FER: variants seen among roughly 807,000 people sequenced by gnomAD.
FER encodes FER tyrosine kinase, also known as tyrosine-protein kinase Fer.
Under a neutral mutation model 111.0 loss-of-function variants are expected in FER, and 63 were observed. That is an observed-to-expected ratio of 0.57 (90% CI 0.46 to 0.70). The LOEUF (loss-of-function observed/expected upper bound fraction) is 0.70, where lower values mean the gene tolerates loss of function less well. Ranked by LOEUF, FER falls within the 30% of genes least tolerant of loss-of-function variation. The probability of loss-of-function intolerance (pLI) is 0.00; values close to 1 mark genes in which losing one functional copy is unlikely to be tolerated. For missense variants in FER, 914 were observed against 954.0 expected (o/e 0.96, Z 0.55); for synonymous variants, 327 against 313.9 (o/e 1.04, Z -0.44).
chr5:108,756,343 A>G (rs925018044), intron 1 of FER, among the ~76,000 whole-genome samples: 6 of 151,920 alleles, frequency 3.9e-5, no homozygotes, highest in African/African-American at 1.4e-4. Context: ...CAAAGGAAAC[A>G]TTTTCAGGTA....
chr5:109,015,735 A>G lies in FER; in HGVS notation c.1657-21687A>G, dbSNP rs559784141. Reference sequence around the variant, plus strand: ...AATCATGAGCAACCCTATATTTTAAAGCAGAAATATGATTTTCTTAGTGTA... The same window carrying G: ...AATCATGAGCAACCCTATATTTTAAGGCAGAAATATGATTTTCTTAGTGTA... On this transcript the variant is annotated intron_variant, in intron 13 of 19. Transcript: ENST00000281092. 7.2e-5 allele frequency among the ~76,000 whole-genome samples: 11 copies of G among 152,198 alleles called. No homozygotes were observed. In the East Asian group the frequency reaches 1.9e-3, roughly 27 times the overall value.
At chr5:109,090,531 A>G (rs148290709) in intron 16 of FER, among the ~76,000 whole-genome samples, 1,813 of 152,308 alleles carry the variant, frequency 0.012, 17 homozygotes, top group Non-Finnish European at 0.02. Context: ...TAATTACCTG[A>G]CAAATAATTC....
At chr5:109,146,181 A>G (rs1754085384) in intron 17 of FER, among the ~76,000 whole-genome samples, 1 of 119,782 alleles carries the variant, frequency 8.3e-6, no homozygotes, top group Non-Finnish European at 1.8e-5. Context: ...TTGCAGCAAA[A>G]AAATACATAT....
At position 108,883,378 on chromosome 5, in the gene FER, G is replaced by A; in HGVS notation, c.924-18G>A. 6.3e-7 allele frequency: 1 copy of A among 1,580,314 alleles called. No homozygotes were observed. The highest frequency in any genetic ancestry group is 8.6e-7 in the Non-Finnish European group (1 of 1,164,672). The stretch of plus-strand genomic sequence containing the variant: ...AAATTAATTTGTTGGTTGTTATTGA[G>A]GATACTGTTTATTCTAGGTTGAAAA... On this transcript the variant is annotated intron_variant, in intron 8 of 19. Coordinates refer to ENST00000281092, the MANE Select transcript of FER (RefSeq NM_005246.4).
At chr5:108,896,259 GA>G (rs1339388745) in intron 9 of FER, among the ~76,000 whole-genome samples, 2 of 151,780 alleles carry the variant, frequency 1.3e-5, no homozygotes, top group Admixed American at 6.6e-5. Flanking sequence ...CTGGTCCTTA[GA>G]AATTTATGTT....
chr5:109,077,008 G>A (rs982409412), intron 16 of FER, among the ~76,000 whole-genome samples: 24 of 152,274 alleles, frequency 1.6e-4, no homozygotes, highest in Non-Finnish European at 3.2e-4. Flanking sequence ...TCTGAATCAG[G>A]CCAGTCTTCT....
chr5:108,918,124 C>A (rs1389923924), intron 10 of FER, among the ~76,000 whole-genome samples: 1 of 152,100 alleles, frequency 6.6e-6, no homozygotes, highest in African/African-American at 2.4e-5. Flanking sequence ...TGTCTCTAAG[C>A]TTTCCAAAGG....
intron 10 of FER, among the ~76,000 whole-genome samples, chr5:108,925,718 T>G (rs966782071): frequency 2.0e-5 from 3 of 152,124 alleles, no homozygotes; most frequent in African/African-American, 4.8e-5. Context: ...CGATTCTTGC[T>G]TTAATATTAC....
At chr5:109,146,876 G>T (rs889415690) in intron 17 of FER, among the ~76,000 whole-genome samples, 2 of 151,854 alleles carry the variant, frequency 1.3e-5, no homozygotes, top group Non-Finnish European at 2.9e-5. Context: ...ATCCAAAGGA[G>T]ATTTAAAAAA....
chr5:109,009,044 CTTT>C (rs1030906789), intron 13 of FER, among the ~76,000 whole-genome samples: 1,670 of 115,912 alleles, frequency 0.014, 9 homozygotes, highest in Non-Finnish European at 0.021. Context: ...CCTCTTCAGT[CTTT>C]TTTTTTTTTT....
chr5:108,992,859 C>T lies in FER; in HGVS notation c.1656+33512C>T, dbSNP rs576724301. Among the ~76,000 whole-genome samples the T allele has an allele frequency of 2.8e-4, 42 of 149,680 alleles. No homozygotes were observed. In the East Asian group the frequency reaches 2.9e-3, roughly 10 times the overall value. ...GCAGAGACACTCCTCACCTCCCAGA[C>T]GGGGTCGCGGCCAGGCAGAGGCGCT... On this transcript the variant is annotated intron_variant, in intron 13 of 19. Transcript: ENST00000281092.
intron 13 of FER, among the ~76,000 whole-genome samples, chr5:109,023,043 G>A (rs1423035829): frequency 6.6e-6 from 1 of 152,062 alleles, no homozygotes; most frequent in East Asian, 1.9e-4. Context: ...TGTGTAAAAT[G>A]TATGTAAAGG....
At chr5:109,141,878 T>C (rs1267346215) in intron 17 of FER, among the ~76,000 whole-genome samples, 1 of 152,154 alleles carries the variant, frequency 6.6e-6, no homozygotes, top group Non-Finnish European at 1.5e-5. Flanking sequence ...CAATGGAGTG[T>C]AGGTTTCAGA....
At chr5:108,761,810 C>T (rs375506521) in intron 1 of FER, among the ~76,000 whole-genome samples, 51 of 152,158 alleles carry the variant, frequency 3.4e-4, no homozygotes, top group African/African-American at 1.1e-3. Context: ...GACTTCTTAC[C>T]CTAAAGTAGA....
chr5:108,937,769 G>A (rs1755672321), intron 10 of FER, among the ~76,000 whole-genome samples: 1 of 151,848 alleles, frequency 6.6e-6, no homozygotes, highest in Non-Finnish European at 1.5e-5. Flanking sequence ...AATGGAGTCT[G>A]TTGGTTTCCT....
At chr5:108,947,763 C>CT (rs1757176688) in intron 11 of FER, among the ~76,000 whole-genome samples, 1 of 151,588 alleles carries the variant, frequency 6.6e-6, no homozygotes, top group Admixed American at 6.6e-5. Flanking sequence ...CAAGATTATG[C>CT]TGATAATTCA....
chr5:108,750,977 G>C (rs541040589), intron 1 of FER, among the ~76,000 whole-genome samples: 1 of 152,342 alleles, frequency 6.6e-6, no homozygotes, highest in Admixed American at 6.5e-5. Context: ...CGGATCACCT[G>C]AGGTCGGGAG....
At chr5:109,059,048 G>A (rs1390636374) in intron 16 of FER, among the ~76,000 whole-genome samples, 2 of 151,822 alleles carry the variant, frequency 1.3e-5, no homozygotes, top group Non-Finnish European at 2.9e-5. Context: ...CCAATTTTAT[G>A]CTATTTTCAA....
At chr5:108,872,374 G>A (rs755056558) in intron 8 of FER, among the ~76,000 whole-genome samples, 162 bp downstream of exon 8, 32 of 151,930 alleles carry the variant, frequency 2.1e-4, no homozygotes, top group African/African-American at 3.6e-4. Context: ...ACTCATTTTC[G>A]TCACTACTTT....
Sources: allele counts gnomAD v4.1 joint callset (sites outside exome capture counted in the v4.1 genomes callset), GRCh38; gene constraint gnomAD v4.1.1; transcripts MANE v1.5; gene names NCBI Gene and HGNC (gene_info 2026-07-23, HGNC 2026-07-21).